ANLN: variants seen among roughly 807,000 people sequenced by gnomAD.
ANLN encodes the protein anillin, actin binding protein.
ANLN carries 59 observed loss-of-function variants against 135.1 expected under a neutral mutation model. That is an observed-to-expected ratio of 0.44 (90% CI 0.35 to 0.54). ANLN has a LOEUF of 0.54. Ranked by LOEUF, ANLN falls within the 20% of genes least tolerant of loss-of-function variation. The probability of loss-of-function intolerance (pLI) is 0.00; values close to 1 mark genes in which losing one functional copy is unlikely to be tolerated. For missense variants in ANLN, 1,182 were observed against 1,340.0 expected, an observed-to-expected ratio of 0.88 and a Z score of 1.84; for synonymous variants, 406 against 456.4, an observed-to-expected ratio of 0.89 and a Z score of 1.41.
chr7:36,452,610 T>C lies in ANLN; in HGVS notation c.*10T>C. The C allele has an allele frequency of 6.2e-7, 1 of 1,613,672 alleles. No individual in the cohort carries two copies. The highest frequency in any genetic ancestry group is 1.7e-5 in the Admixed American group (1 of 60,008). On this transcript the variant is annotated 3_prime_UTR_variant, in exon 24 of 24. Coordinates refer to ENST00000265748, the MANE Select transcript of ANLN (RefSeq NM_018685.5). ...TATTGGAAAGCCTTAAACCGGGAAA[T>C]TTCCATGCTATCTAGAGGTTTTTGA...
At chr7:36,439,359 G>A (rs1788672146) in intron 21 of ANLN, 69 bp downstream of exon 21, 8 of 901,630 alleles carry the variant, frequency 8.9e-6, no homozygotes, top group Non-Finnish European at 1.2e-5. Context: ...GTTTCCCATA[G>A]GAATGAAATC....
chr7:36,445,772 C>T (rs930178092), intron 22 of ANLN, among the ~76,000 whole-genome samples: 10 of 152,182 alleles, frequency 6.6e-5, no homozygotes, highest in African/African-American at 2.4e-4. Flanking sequence ...AGGGTTTGCA[C>T]ATCTACAACT....
At position 36,452,572 on chromosome 7, in the gene ANLN, C is replaced by G; in HGVS notation, c.3347C>G (p.Ala1116Gly). The G allele has an allele frequency of 6.2e-7, 1 of 1,614,022 alleles. No homozygotes were observed. Among genetic ancestry groups the G allele is most frequent in the Non-Finnish European group, 8.5e-7 (1 of 1,179,926 alleles). ...LVDIRLWQPDACYKPIGKP is the reference protein window; with the variant it reads ...LVDIRLWQPDGCYKPIGKP Reference sequence around the variant, plus strand: ...GATATTCGCCTCTGGCAACCTGATGCTTGCTACAAACCTATTGGAAAGCCT... The same window carrying G: ...GATATTCGCCTCTGGCAACCTGATGGTTGCTACAAACCTATTGGAAAGCCT... The change falls in exon 24 of 24, where the codon GCT becomes GGT. Residue 1116 changes from alanine (A) to glycine (G), a missense_variant. Physicochemically the swap from Ala to Gly is moderately conservative, Grantham distance 60. Around this residue, in one of 3 missense-constraint regions of ANLN, gnomAD observed 78 missense variants for 72.7 expected, o/e 1.07. Coordinates refer to ENST00000265748, the MANE Select transcript of ANLN (RefSeq NM_018685.5).
intron 22 of ANLN, 120 bp downstream of exon 22, chr7:36,443,982 A>C (rs1479424027): frequency 1.6e-6 from 1 of 632,348 alleles, no homozygotes; most frequent in African/African-American, 1.9e-5. Flanking sequence ...TTGTGTACTC[A>C]CTAAGCCATT....
At position 36,401,738 on chromosome 7, in the gene ANLN, G is replaced by A. The variant is rs901285677; in HGVS notation, c.487+2345G>A. Among the ~76,000 whole-genome samples, 8 of 117,624 alleles carry A rather than the reference G, an allele frequency of 6.8e-5. 4 individuals carry two copies. Among genetic ancestry groups the A allele is most frequent in the Non-Finnish European group, 1.5e-4 (8 of 54,140 alleles). The allele number at this position is 117,624 out of a possible 152,430, so 77.2% of individuals were successfully genotyped here. Reference sequence around the variant, plus strand: ...AGAGGTAGGACTCGACTCCAGATGCGGGACTTGGACACTGGACAAGATAGA... The same window carrying A: ...AGAGGTAGGACTCGACTCCAGATGCAGGACTTGGACACTGGACAAGATAGA... On this transcript the variant is annotated intron_variant, in intron 3 of 23. Transcript: ENST00000265748.
At chr7:36,436,008 C>A (rs1231698588) in intron 20 of ANLN, among the ~76,000 whole-genome samples, 1 of 148,590 alleles carries the variant, frequency 6.7e-6, no homozygotes, top group Non-Finnish European at 1.5e-5. Flanking sequence ...GTAAACTATT[C>A]AGTGGCATTT....
intron 22 of ANLN, among the ~76,000 whole-genome samples, chr7:36,446,901 G>T (rs926689365): frequency 2.0e-5 from 3 of 152,086 alleles, no homozygotes; most frequent in Non-Finnish European, 4.4e-5. Context: ...CTCAATGACC[G>T]TAGCTTTAAA....
chr7:36,408,696 G>A (rs1056151903), intron 5 of ANLN, among the ~76,000 whole-genome samples: 1 of 151,990 alleles, frequency 6.6e-6, no homozygotes, highest in Non-Finnish European at 1.5e-5. Context: ...CTGTATATTT[G>A]TACTCATTAA....
intron 22 of ANLN, chr7:36,449,177 G>T (rs1448199544): frequency 6.6e-6 from 1 of 152,250 alleles, no homozygotes. Context: ...CCTCCACTTT[G>T]ACTCGTATCA....
At chr7:36,424,945 T>C (rs562184430) in intron 17 of ANLN, among the ~76,000 whole-genome samples, 2 of 152,308 alleles carry the variant, frequency 1.3e-5, no homozygotes, top group South Asian at 2.1e-4. Context: ...AAGTTCCTGA[T>C]ACACTCGGGC....
intron 1 of ANLN, among the ~76,000 whole-genome samples, chr7:36,391,356 C>A (rs1399878542): frequency 1.3e-5 from 2 of 152,176 alleles, no homozygotes; most frequent in African/African-American, 4.8e-5. Flanking sequence ...CAGACAGGAA[C>A]AAAGCATTTT....
chr7:36,416,255 G>A (rs1416568474), intron 8 of ANLN, among the ~76,000 whole-genome samples: 5 of 152,074 alleles, frequency 3.3e-5, no homozygotes, highest in Non-Finnish European at 2.9e-5. Context: ...TCCTGACCTC[G>A]TGATCTGCTT....
intron 21 of ANLN, among the ~76,000 whole-genome samples, chr7:36,441,140 T>C (rs1297717245): frequency 1.3e-5 from 2 of 152,164 alleles, no homozygotes; most frequent in East Asian, 3.8e-4. Context: ...CTAATGACCT[T>C]TTCTTTTCAT....
intron 6 of ANLN, 80 bp downstream of exon 6, chr7:36,410,784 G>C (rs966916536): frequency 5.9e-5 from 82 of 1,394,038 alleles, no homozygotes; most frequent in Non-Finnish European, 7.6e-5. Context: ...TCTGATGCCA[G>C]TCTTTTTGAC....
intron 17 of ANLN, among the ~76,000 whole-genome samples, chr7:36,425,293 CTTTTT>C (rs1221400271): frequency 4.0e-5 from 5 of 123,608 alleles, no homozygotes; most frequent in African/African-American, 1.5e-4. Context: ...AGAACTCATT[CTTTTT>C]TTTTTTTTTT....
intron 3 of ANLN, 59 bp from the exon 4 acceptor site, chr7:36,406,122 T>C: frequency 6.7e-7 from 1 of 1,488,190 alleles, no homozygotes; most frequent in Non-Finnish European, 9.1e-7. Context: ...GATCCTGGTA[T>C]TATACGTAAG....
intron 20 of ANLN, chr7:36,428,434 G>T: frequency 1.3e-6 from 1 of 790,640 alleles, no homozygotes; most frequent in Admixed American, 3.0e-5. Context: ...ACATATATTT[G>T]TTTTACTAAC....
intron 22 of ANLN, among the ~76,000 whole-genome samples, chr7:36,445,875 A>G (rs1788975188): frequency 6.6e-6 from 1 of 152,208 alleles, no homozygotes; most frequent in Non-Finnish European, 1.5e-5. Context: ...ATTCCCACCA[A>G]TACATCATAT....
At chr7:36,412,548 G>A (rs144544373) in intron 7 of ANLN, among the ~76,000 whole-genome samples, 14,797 of 151,710 alleles carry the variant, frequency 0.098, 782 homozygotes, top group Admixed American at 0.15. Flanking sequence ...GGCTGGTCTC[G>A]AACTCGTGAC....
Sources: allele counts gnomAD v4.1 joint callset (sites outside exome capture counted in the v4.1 genomes callset), GRCh38; gene constraint gnomAD v4.1.1; regional missense constraint gnomAD v4.1.1; transcripts MANE v1.5; gene names NCBI Gene and HGNC (gene_info 2026-07-23, HGNC 2026-07-21).